CCT4: variants seen among roughly 807,000 people sequenced by gnomAD.
CCT4 encodes T-complex protein 1 subunit delta.
In CCT4, 17 loss-of-function variants were observed where a neutral mutation model predicts 62.5. The observed-to-expected ratio is 0.27, with a 90% CI of 0.19 to 0.41. CCT4 has a LOEUF of 0.41. Ranked by LOEUF, CCT4 falls within the 10% of genes least tolerant of loss-of-function variation. The pLI is 1.00. For missense variants in CCT4, 592 were observed against 659.2 expected (o/e 0.90, Z 1.12); for synonymous variants, 250 against 229.9 (o/e 1.09, Z -0.79).
At chr2:61,877,142 A>G (rs1181874382) in intron 6 of CCT4, 90 bp from the exon 7 acceptor site, 2 of 1,193,390 alleles carry the variant, frequency 1.7e-6, no homozygotes, top group Non-Finnish European at 2.4e-6. Context: ...TCATCAGTCC[A>G]ATAAAATATG....
Position 61,876,811 on chromosome 2 carries a change from T to C in CCT4, c.777+109A>G, listed in dbSNP as rs546520896. ...TTTTGTCTCAATTCTAGTAAGTCTTTTGAGATCTGCTTTAAATCACTAGTA... is the reference window on the plus strand; with the variant it reads ...TTTTGTCTCAATTCTAGTAAGTCTTCTGAGATCTGCTTTAAATCACTAGTA... On this transcript the variant is annotated intron_variant, in intron 7 of 13. Transcript: ENST00000394440. 6.0e-5 allele frequency: 56 copies of C among 926,968 alleles called. 1 individual carries two copies. The Middle Eastern group carries it at 2.8e-3, about 47-fold the overall frequency. 57.4% of individuals were successfully genotyped at this position (926,968 alleles called of 1,614,324 possible). A position where few individuals can be genotyped will look rare whatever the true frequency, so the allele number is the denominator to read the frequency against.
At chr2:61,884,821 T>A (rs1043323823) in intron 2 of CCT4, among the ~76,000 whole-genome samples, 199 bp downstream of exon 2, 7 of 151,828 alleles carry the variant, frequency 4.6e-5, no homozygotes, top group Non-Finnish European at 8.8e-5. Flanking sequence ...AGACATAGGG[T>A]TTCTCCATGT....
chr2:61,871,600 G>GT (rs1668885167), intron 12 of CCT4, among the ~76,000 whole-genome samples: 1 of 152,132 alleles, frequency 6.6e-6, no homozygotes, highest in Admixed American at 6.5e-5. Context: ...CCCATCATGT[G>GT]TTTAATTTGT....
intron 3 of CCT4, 88 bp from the exon 4 acceptor site, chr2:61,880,482 A>T (rs1191285821): frequency 1.4e-6 from 1 of 738,680 alleles, no homozygotes; most frequent in African/African-American, 1.8e-5. Flanking sequence ...AGTGTCACAA[A>T]CAGAATTTGA....
At chr2:61,882,947 C>T (rs1669150834) in intron 3 of CCT4, among the ~76,000 whole-genome samples, 1 of 152,086 alleles carries the variant, frequency 6.6e-6, no homozygotes, top group Non-Finnish European at 1.5e-5. Context: ...GGACTAAAGG[C>T]ATGCACCACT....
chr2:61,874,935 G>C (rs1218269958), intron 8 of CCT4, among the ~76,000 whole-genome samples: 2 of 151,972 alleles, frequency 1.3e-5, no homozygotes, highest in African/African-American at 4.8e-5. Context: ...ACCTGAGGTT[G>C]GGAGTTCAGG....
intron 8 of CCT4, among the ~76,000 whole-genome samples, chr2:61,875,769 CTTTT>C (rs1179056266): frequency 6.6e-6 from 1 of 151,780 alleles, no homozygotes; most frequent in Non-Finnish European, 1.5e-5. Flanking sequence ...AAAAAACCTA[CTTTT>C]TTTTGTAAAA....
Position 61,877,028 on chromosome 2 carries a change from C to G in CCT4, c.669G>C (p.Leu223Phe), listed in dbSNP as rs1558505623. 6.2e-7 allele frequency: 1 copy of G among 1,613,526 alleles called. No individual in the cohort carries two copies. Among genetic ancestry groups the G allele is most frequent in the Non-Finnish European group, 8.5e-7 (1 of 1,179,634 alleles). ...TTTGGGTGAGAACCAGCCCTTCCAC[C>G]AACTCACAGTCATCAATTGTCCCAC... ...KLGGTIDDCELVEGLVLTQKV... is the reference protein window; with the variant it reads ...KLGGTIDDCEFVEGLVLTQKV... The change falls in exon 7 of 14, where the codon TTG (leucine) becomes TTC (phenylalanine). Residue 223 changes from leucine to phenylalanine, a missense_variant. Physicochemically the swap from Leu to Phe is conservative, Grantham distance 22. Transcript: ENST00000394440.
intron 1 of CCT4, chr2:61,885,955 A>C (rs1000023325): frequency 6.6e-6 from 1 of 152,216 alleles, no homozygotes; most frequent in Admixed American, 6.5e-5. Context: ...AGGAATGCTC[A>C]ATTTACAGAT....
chr2:61,883,667 C>T (rs1669166432), intron 2 of CCT4, 119 bp from the exon 3 acceptor site: 3 of 630,940 alleles, frequency 4.8e-6, no homozygotes, highest in Admixed American at 3.1e-5. Flanking sequence ...TTTAAATTCT[C>T]TTCCCTTACA....
At chr2:61,868,963 C>T (rs1210078695) in intron 13 of CCT4, 11 of 390,226 alleles carry the variant, frequency 2.8e-5, no homozygotes, top group South Asian at 1.3e-4. Context: ...GGTGAAACCC[C>T]GTCTCTACTA....
chr2:61,880,898 G>C (rs930808329), intron 3 of CCT4, among the ~76,000 whole-genome samples: 1 of 151,858 alleles, frequency 6.6e-6, no homozygotes, highest in African/African-American at 2.4e-5. Context: ...TTTTTTGTTC[G>C]TTTGTTTTTA....
At chr2:61,879,256 C>CTT (rs35373962) in intron 4 of CCT4, among the ~76,000 whole-genome samples, 22,261 of 100,982 alleles carry the variant, frequency 0.22, 4,047 homozygotes, top group Middle Eastern at 0.29. Context: ...AAATTTTATA[C>CTT]TTTTTTTTTT....
At chr2:61,887,725 ACT>A (rs753280154) in intron 1 of CCT4, among the ~76,000 whole-genome samples, 1 of 152,116 alleles carries the variant, frequency 6.6e-6, no homozygotes, top group Non-Finnish European at 1.5e-5. Context: ...AGAGAATGAA[ACT>A]CTGGTCTTCC....
At chr2:61,879,113 A>C in intron 4 of CCT4, 102 bp from the exon 5 acceptor site, 1 of 775,336 alleles carries the variant, frequency 1.3e-6, no homozygotes, top group Non-Finnish European at 2.1e-6. Flanking sequence ...GCACAAATTT[A>C]ACTATTCTTA....
intron 1 of CCT4, among the ~76,000 whole-genome samples, chr2:61,887,178 T>C (rs895682558): frequency 1.3e-5 from 2 of 152,340 alleles, no homozygotes; most frequent in Non-Finnish European, 2.9e-5. Flanking sequence ...AACTTACAAA[T>C]GACTCCTAAA....
At chr2:61,876,006 T>C in intron 8 of CCT4, 89 bp downstream of exon 8, 1 of 802,650 alleles carries the variant, frequency 1.2e-6, no homozygotes, top group South Asian at 2.1e-5. Context: ...GAGTAAGTGC[T>C]TAAATCATAT....
chr2:61,873,731 A>C (rs1668935272), intron 8 of CCT4, among the ~76,000 whole-genome samples: 1 of 151,990 alleles, frequency 6.6e-6, no homozygotes, highest in Admixed American at 6.6e-5. Context: ...ACACCTGGCT[A>C]ATTTTTGTAT....
At chr2:61,876,345 A>C in intron 7 of CCT4, 111 bp from the exon 8 acceptor site, 2 of 718,648 alleles carry the variant, frequency 2.8e-6, no homozygotes, top group South Asian at 5.0e-5. Context: ...AACTATATCA[A>C]GTAATAAATT....
Sources: allele counts gnomAD v4.1 joint callset (sites outside exome capture counted in the v4.1 genomes callset), GRCh38; gene constraint gnomAD v4.1.1; transcripts MANE v1.5; gene names NCBI Gene and HGNC (gene_info 2026-07-23, HGNC 2026-07-21).